Variants in MAD1L1 observed in about 807,000 individuals in gnomAD.
MAD1L1 encodes mitotic arrest deficient 1 like 1, also known as mitotic spindle assembly checkpoint protein MAD1.
MAD1L1 carries 95 observed loss-of-function variants against 96.9 expected under a neutral mutation model. The ratio of observed to expected loss-of-function variants is 0.98; its 90% CI spans 0.83 to 1.16. MAD1L1 has a LOEUF of 1.16. MAD1L1 is among the 50% of genes most tolerant of loss of function. The probability of loss-of-function intolerance (pLI) is 0.00; values close to 1 mark genes in which losing one functional copy is unlikely to be tolerated. For missense variants in MAD1L1, 1,007 were observed against 954.4 expected, an observed-to-expected ratio of 1.06 and a Z score of -0.73; for synonymous variants, 473 against 396.6, an observed-to-expected ratio of 1.19 and a Z score of -2.29.
At chr7:2,220,530 T>C (rs1192050844) in intron 5 of MAD1L1, among the ~76,000 whole-genome samples, 1 of 152,202 alleles carries the variant, frequency 6.6e-6, no homozygotes, top group Non-Finnish European at 1.5e-5. Flanking sequence ...ATGTCAGCCC[T>C]GGGGACCACG....
intron 10 of MAD1L1, among the ~76,000 whole-genome samples, chr7:2,211,101 C>T (rs549335590): frequency 1.3e-5 from 2 of 152,270 alleles, no homozygotes; most frequent in South Asian, 2.1e-4. Context: ...AGCTGCAGGG[C>T]GCCACACATG....
chr7:2,079,248 C>T lies in MAD1L1; in HGVS notation c.1074-9910G>A, dbSNP rs180794391. ...TCAGACTCGGAAGGGGCTGGGACTC[C>T]GAGAGGGCAGGTGCCCCAGGACATC... is the stretch of plus-strand genomic sequence containing the variant. On this transcript the variant is annotated intron_variant, in intron 11 of 18. Transcript: ENST00000265854. Among the ~76,000 whole-genome samples the T allele has an allele frequency of 2.2e-4, 34 of 152,328 alleles. No homozygotes were observed. The East Asian group carries it at 6.0e-3, about 27-fold the overall frequency.
intron 11 of MAD1L1, among the ~76,000 whole-genome samples, chr7:2,074,638 G>A (rs923951023): frequency 6.6e-6 from 1 of 152,258 alleles, no homozygotes; most frequent in Non-Finnish European, 1.5e-5. Context: ...CTGACCCCGG[G>A]CCCTCTCCAG....
intron 15 of MAD1L1, 57 bp downstream of exon 15, chr7:1,980,396 C>A: frequency 6.8e-7 from 1 of 1,460,514 alleles, no homozygotes; most frequent in East Asian, 2.7e-5. Context: ...TGGGCGTATC[C>A]GCCTCCTCTC....
At chr7:1,829,275 G>A (rs558498198) in intron 18 of MAD1L1, among the ~76,000 whole-genome samples, 331 of 152,346 alleles carry the variant, frequency 2.2e-3, no homozygotes, top group Non-Finnish European at 4.0e-3. Context: ...GCAAGTGCTG[G>A]CTTCCCCTCT....
At chr7:2,116,537 C>T (rs1383787698) in intron 11 of MAD1L1, among the ~76,000 whole-genome samples, 1 of 111,936 alleles carries the variant, frequency 8.9e-6, no homozygotes, top group Non-Finnish European at 1.7e-5. Flanking sequence ...CTGGATAAGG[C>T]AGGTACCCAC....
intron 10 of MAD1L1, among the ~76,000 whole-genome samples, chr7:2,162,117 T>G (rs980286549): frequency 5.3e-5 from 8 of 152,102 alleles, no homozygotes; most frequent in African/African-American, 1.9e-4. Flanking sequence ...GAACGGGCCA[T>G]GATGAGGATG....
intron 11 of MAD1L1, among the ~76,000 whole-genome samples, chr7:2,104,744 G>A (rs1786999439): frequency 6.6e-6 from 1 of 151,828 alleles, no homozygotes; most frequent in African/African-American, 2.4e-5. Context: ...CATCCCTAAC[G>A]CCTTTGCCAT....
Position 1,985,826 on chromosome 7 carries a change from G to A in MAD1L1, c.1417-5285C>T, listed in dbSNP as rs182344384. On this transcript the variant is annotated intron_variant, in intron 14 of 18. Transcript: ENST00000265854. ...CCCCTCTCCTGCTCTGAGACCCTCC[G>A]GGTCCTGTCTCATGCAACCCCCGGC... Among the ~76,000 whole-genome samples the A allele has an allele frequency of 3.0e-3, 454 of 151,608 alleles. 3 individuals are homozygous for A. The highest frequency in any genetic ancestry group is 4.8e-3 in the Non-Finnish European group (325 of 67,946).
intron 3 of MAD1L1, among the ~76,000 whole-genome samples, chr7:2,228,853 G>A (rs1407396170): frequency 1.3e-5 from 2 of 151,786 alleles, no homozygotes; most frequent in East Asian, 3.9e-4. Context: ...CCATTCTCCT[G>A]CTCCAGCCTC....
chr7:1,935,228 A>T (rs531177497), intron 17 of MAD1L1, among the ~76,000 whole-genome samples: 1 of 152,356 alleles, frequency 6.6e-6, no homozygotes, highest in South Asian at 2.1e-4. Flanking sequence ...CACCTGCAGA[A>T]TGCAGGGCGG....
intron 18 of MAD1L1, among the ~76,000 whole-genome samples, chr7:1,869,700 C>T (rs73671101): frequency 0.019 from 2,953 of 152,334 alleles, 97 homozygotes; most frequent in African/African-American, 0.068. Context: ...TCAATCAGCA[C>T]TGTCACACTA....
At chr7:1,870,581 C>A (rs1785010973) in intron 18 of MAD1L1, among the ~76,000 whole-genome samples, 1 of 149,766 alleles carries the variant, frequency 6.7e-6, no homozygotes, top group African/African-American at 2.5e-5. Context: ...CATACGCCTG[C>A]CACGCTGAAC....
At chr7:1,852,532 C>A (rs1784031768) in intron 18 of MAD1L1, among the ~76,000 whole-genome samples, 1 of 152,116 alleles carries the variant, frequency 6.6e-6, no homozygotes, top group Non-Finnish European at 1.5e-5. Flanking sequence ...CCACCCTGGC[C>A]CGACCGCCGC....
chr7:2,146,981 G>A lies in MAD1L1; in HGVS notation c.1073+2171C>T, dbSNP rs1789342348. Among the ~76,000 whole-genome samples the A allele has an allele frequency of 6.6e-6, 1 of 152,150 alleles. No individual in the cohort carries two copies. Among genetic ancestry groups the A allele is most frequent in the Non-Finnish European group, 1.5e-5 (1 of 68,030 alleles). ...GCCACTGCCAGCGCTGCCTGTCCTAGGGTCTGCCTCCTTCCTGGGCCTTGG... is the reference window on the plus strand; with the variant it reads ...GCCACTGCCAGCGCTGCCTGTCCTAAGGTCTGCCTCCTTCCTGGGCCTTGG... On this transcript the variant is annotated intron_variant, in intron 11 of 18. Coordinates refer to ENST00000265854, the MANE Select transcript of MAD1L1 (RefSeq NM_001013836.2). This position sits in a 1 kb window ranked among gnomAD's most constrained non-coding sequence, Gnocchi z 6.2.
chr7:1,820,492 G>A (rs1782066361), intron 18 of MAD1L1, among the ~76,000 whole-genome samples: 1 of 97,288 alleles, frequency 1.0e-5, no homozygotes, highest in South Asian at 3.2e-4. Flanking sequence ...GGCCGGCCAG[G>A]AGCAGGGCTC....
intron 17 of MAD1L1, among the ~76,000 whole-genome samples, chr7:1,920,637 AGCCGAGTGGGG>A (rs1788728690): frequency 6.6e-6 from 1 of 152,196 alleles, no homozygotes; most frequent in Non-Finnish European, 1.5e-5. Context: ...CACGTTCCAC[AGCCGAGTGGGG>A]GCGGACTACA....
intron 18 of MAD1L1, among the ~76,000 whole-genome samples, chr7:1,816,609 C>T (rs951193541): frequency 1.5e-4 from 23 of 152,106 alleles, no homozygotes; most frequent in African/African-American, 3.6e-4. Context: ...AGTCCTGCAA[C>T]GCCTTCCACA....
At chr7:1,856,065 C>G (rs1277753379) in intron 18 of MAD1L1, among the ~76,000 whole-genome samples, 1 of 152,182 alleles carries the variant, frequency 6.6e-6, no homozygotes, top group Non-Finnish European at 1.5e-5. Context: ...AAGTGCTAAT[C>G]CCAGTCCAAG....
Sources: gnomAD v4.1 joint callset for allele counts (sites outside exome capture counted in the v4.1 genomes callset) on GRCh38, gnomAD v4.1.1 for gene constraint, Gnocchi (gnomAD v3.1) non-coding constraint, MANE v1.5 for transcripts, NCBI Gene and HGNC (gene_info 2026-07-23, HGNC 2026-07-21) for gene names.